Variants in PLCB4 observed in about 807,000 individuals in gnomAD.
PLCB4 encodes 1-phosphatidylinositol 4,5-bisphosphate phosphodiesterase beta-4.
A neutral mutation model predicts 178.8 loss-of-function variants in PLCB4; 77 were observed. That is an observed-to-expected ratio of 0.43 (90% confidence interval 0.36 to 0.52). PLCB4 has a LOEUF of 0.52. PLCB4 is among the 20% of genes least tolerant of loss of function. PLCB4 has a pLI of 0.00. For synonymous variants in PLCB4, 496 were observed against 490.8 expected, an observed-to-expected ratio of 1.01 and a Z score of -0.14; for missense variants, 1,024 against 1,453.4, an observed-to-expected ratio of 0.70 and a Z score of 4.80.
chr20:9,168,848 A>G (rs534894863), intron 2 of PLCB4, among the ~76,000 whole-genome samples: 2 of 152,110 alleles, frequency 1.3e-5, no homozygotes, highest in South Asian at 4.1e-4. Context: ...TGGGATTGTC[A>G]CCTCTGCTGA....
chr20:9,248,874 A>C (rs2094151349), intron 3 of PLCB4, among the ~76,000 whole-genome samples: 1 of 152,214 alleles, frequency 6.6e-6, no homozygotes, highest in Non-Finnish European at 1.5e-5. Context: ...TAATTCTGGA[A>C]GTCAGAAGTC....
rs192873601 is a variant in PLCB4, at chr20:9,418,387, T to C, written c.2052-1420T>C. Among the ~76,000 whole-genome samples, 239 of 152,288 alleles carry C rather than the reference T, an allele frequency of 1.6e-3. 1 individual carries two copies. The highest frequency in any genetic ancestry group is 5.4e-3 in the African/African-American group (224 of 41,582). Reference sequence around the variant, plus strand: ...TTATCTATTTATTTGCATGGAACTATCCTATTATCCTGTCACTATTTATTT... The same window carrying C: ...TTATCTATTTATTTGCATGGAACTACCCTATTATCCTGTCACTATTTATTT... On this transcript the variant is annotated intron_variant, in intron 25 of 39. Transcript: ENST00000378473.
At chr20:9,211,439 G>T (rs1171360227) in intron 2 of PLCB4, among the ~76,000 whole-genome samples, 2 of 152,180 alleles carry the variant, frequency 1.3e-5, no homozygotes, top group Non-Finnish European at 2.9e-5. Context: ...CTGAATCTCA[G>T]GCCCTGCCTC....
chr20:9,126,528 C>G (rs976449869), intron 2 of PLCB4, among the ~76,000 whole-genome samples: 1 of 152,084 alleles, frequency 6.6e-6, no homozygotes, highest in African/African-American at 2.4e-5. Context: ...AACATGTTAC[C>G]ATGATAACAT....
intron 2 of PLCB4, among the ~76,000 whole-genome samples, chr20:9,144,025 G>A (rs2092546405): frequency 6.6e-6 from 1 of 152,116 alleles, no homozygotes; most frequent in South Asian, 2.1e-4. Flanking sequence ...CTCTTTATTT[G>A]GGAGCATTTC....
intron 3 of PLCB4, among the ~76,000 whole-genome samples, chr20:9,291,481 T>C (rs2094579424): frequency 6.6e-6 from 1 of 152,158 alleles, no homozygotes. Context: ...GGATTTTATT[T>C]CCTTTTCCTT....
intron 3 of PLCB4, among the ~76,000 whole-genome samples, chr20:9,287,056 A>G (rs890732764): frequency 1.2e-4 from 18 of 152,046 alleles, no homozygotes; most frequent in Admixed American, 7.9e-4. Flanking sequence ...ACCAGGGAGC[A>G]TCATAATTTT....
At chr20:9,403,203 G>A (rs769582746) in intron 20 of PLCB4, among the ~76,000 whole-genome samples, 27 of 152,010 alleles carry the variant, frequency 1.8e-4, no homozygotes, top group Admixed American at 4.6e-4. Flanking sequence ...ATTATCACGC[G>A]TATATAGAAG....
At chr20:9,429,777 A>G (rs1333243414) in intron 28 of PLCB4, among the ~76,000 whole-genome samples, 3 of 152,230 alleles carry the variant, frequency 2.0e-5, no homozygotes, top group Admixed American at 2.0e-4. Context: ...ACAATGAAAA[A>G]TTATCTTAAA....
chr20:9,366,218 C>T (rs2035768248), intron 9 of PLCB4, among the ~76,000 whole-genome samples: 1 of 151,736 alleles, frequency 6.6e-6, no homozygotes, highest in African/African-American at 2.4e-5. Context: ...GAAACTCCGT[C>T]TCTACTAAAA....
intron 3 of PLCB4, among the ~76,000 whole-genome samples, chr20:9,252,773 G>A (rs974583722): frequency 6.6e-6 from 1 of 152,206 alleles, no homozygotes; most frequent in Non-Finnish European, 1.5e-5. Context: ...GAGGAAGGGT[G>A]TGAATTTGCT....
At chr20:9,198,135 T>C (rs1433968820) in intron 2 of PLCB4, among the ~76,000 whole-genome samples, 2 of 151,974 alleles carry the variant, frequency 1.3e-5, no homozygotes, top group Non-Finnish European at 2.9e-5. Context: ...CTAGGTGTAG[T>C]CTCAGAGATA....
intron 2 of PLCB4, among the ~76,000 whole-genome samples, chr20:9,169,785 A>G (rs1275256583): frequency 6.6e-6 from 1 of 152,114 alleles, no homozygotes; most frequent in East Asian, 1.9e-4. Flanking sequence ...TAGTAATTTG[A>G]AAGAATTTTA....
chr20:9,076,290 A>C (rs1433725384), intron 1 of PLCB4, among the ~76,000 whole-genome samples: 1 of 152,054 alleles, frequency 6.6e-6, no homozygotes, highest in African/African-American at 2.4e-5. Flanking sequence ...AACATGGCAA[A>C]ACCCCATCTC....
intron 2 of PLCB4, among the ~76,000 whole-genome samples, chr20:9,209,377 C>T (rs1190518075): frequency 6.6e-6 from 1 of 152,068 alleles, no homozygotes; most frequent in Non-Finnish European, 1.5e-5. Context: ...TAAGGTGGCC[C>T]CCCGAGACTA....
intron 4 of PLCB4, among the ~76,000 whole-genome samples, chr20:9,312,474 T>A (rs1265041726): frequency 2.0e-5 from 3 of 151,202 alleles, no homozygotes; most frequent in African/African-American, 7.3e-5. Context: ...AGTATCAAAG[T>A]GCAGGGTCAA....
intron 26 of PLCB4, 130 bp from the exon 27 acceptor site, chr20:9,421,167 C>T (rs2040605373): frequency 7.9e-6 from 5 of 636,818 alleles, no homozygotes; most frequent in South Asian, 2.5e-5. Flanking sequence ...GAAATGAATA[C>T]ATTATTGCCA....
At chr20:9,120,195 G>T (rs948221456) in intron 2 of PLCB4, among the ~76,000 whole-genome samples, 1 of 152,190 alleles carries the variant, frequency 6.6e-6, no homozygotes, top group African/African-American at 2.4e-5. Context: ...GTCTTCTCCT[G>T]AGTGCCTACT....
chr20:9,170,183 G>C (rs1191133230), intron 2 of PLCB4, among the ~76,000 whole-genome samples: 1 of 152,024 alleles, frequency 6.6e-6, no homozygotes, highest in African/African-American at 2.4e-5. Context: ...TTTACTGATT[G>C]CAAGTGATCT....
Sources: allele counts gnomAD v4.1 joint callset (sites outside exome capture counted in the v4.1 genomes callset), GRCh38; gene constraint gnomAD v4.1.1; transcripts MANE v1.5; gene names NCBI Gene and HGNC (gene_info 2026-07-23, HGNC 2026-07-21).